The following TAPBPL variants were observed in gnomAD, a reference collection of about 807,000 sequenced individuals.
The protein encoded by TAPBPL is TAP binding protein like.
In TAPBPL, 32 loss-of-function variants were observed where a neutral mutation model predicts 44.8. That is an observed-to-expected ratio of 0.71 (90% CI 0.54 to 0.96). The LOEUF (loss-of-function observed/expected upper bound fraction) is 0.96, where lower values mean the gene tolerates loss of function less well. Ranked by LOEUF, TAPBPL falls within the 40% of genes least tolerant of loss-of-function variation. TAPBPL has a pLI of 0.00. For missense variants in TAPBPL, 520 were observed against 586.6 expected (o/e 0.89, Z 1.17); for synonymous variants, 230 against 240.7 (o/e 0.96, Z 0.41).
downstream of TAPBPL, chr12:6,470,508 C>G: frequency 6.2e-7 from 1 of 1,613,958 alleles, no homozygotes; most frequent in South Asian, 1.1e-5. Flanking sequence ...GGTGCCGAGC[C>G]CCCACACCAG....
Position 6,453,421 on chromosome 12 carries a change from T to C in TAPBPL, c.296-26T>C. On this transcript the variant is annotated intron_variant, in intron 2 of 6. Transcript: ENST00000266556. The surrounding 1 kb of genome is among the most constrained non-coding windows in gnomAD (Gnocchi z 4.8). ...CTGGTGTTCTCACGCTAATTTGCCC[T>C]CTGTGTGTGCCCTGCTTCTCCCCAG... The C allele has an allele frequency of 6.2e-7, 1 of 1,612,840 alleles. No homozygotes were observed. The highest frequency in any genetic ancestry group is 1.1e-5 in the South Asian group (1 of 90,956).
rs749442620 is a variant in TAPBPL, at chr12:6,458,902, T to A, written c.1162T>A (p.Ser388Thr). ...ATYTCQVTHISLEEPLGASTQ... is the reference protein window; with the variant it reads ...ATYTCQVTHITLEEPLGASTQ... ...TTACACCTGCCAGGTCACACACATC[T>A]CTCTGGAGGAGCCCCTTGGGGCCAG... Residue 388 changes from serine to threonine, a missense_variant, in exon 5 of 7, where the codon TCT becomes ACT. Coordinates refer to ENST00000266556, the MANE Select transcript of TAPBPL (RefSeq NM_018009.5). 3 of 1,614,126 alleles carry A rather than the reference T, an allele frequency of 1.9e-6. No individual in the cohort carries two copies. The South Asian group carries it at 3.3e-5, about 18-fold the overall frequency.
At chr12:6,452,653 CG>C (rs1949585518) in intron 1 of TAPBPL, 1 of 1,248,776 alleles carries the variant, frequency 8.0e-7, no homozygotes, top group Admixed American at 4.0e-5. Flanking sequence ...ACCTTGAAGG[CG>C]GGGGAGGGGA....
At chr12:6,469,037 G>A (rs1236742441), downstream of TAPBPL, among the ~76,000 whole-genome samples, 1 of 152,170 alleles carries the variant, frequency 6.6e-6, no homozygotes, top group Non-Finnish European at 1.5e-5. Context: ...TTGATTAAGT[G>A]AATTTCTTTT....
Position 6,457,487 on chromosome 12 carries a change from T to G in TAPBPL, c.647T>G (p.Met216Arg), listed in dbSNP as rs1241740832. ...SSASLDCGFS[M>R]APGLDLISVE... ...GCCTCCTTGGACTGTGGCTTCTCCA[T>G]GGCACCGGGCTTGGACCTCATCAGT... Residue 216 changes from methionine (M) to arginine (R), a missense_variant, in exon 4 of 7, where the codon ATG becomes AGG. By Grantham distance (91) the Met-to-Arg change is moderately conservative. Transcript: ENST00000266556. 1 of 1,614,098 alleles carries G rather than the reference T, an allele frequency of 6.2e-7. No individual in the cohort carries two copies. The highest frequency in any genetic ancestry group is 1.7e-5 in the Admixed American group (1 of 60,006).
downstream of TAPBPL, chr12:6,462,881 A>G: frequency 6.3e-7 from 1 of 1,597,914 alleles, no homozygotes; most frequent in Admixed American, 1.7e-5. Context: ...ACAAGGGCGA[A>G]AGGAAAGGAA....
chr12:6,453,853 A>G lies in TAPBPL; in HGVS notation c.565+137A>G, dbSNP rs1342599182. 1 of 1,182,736 alleles carries G rather than the reference A, an allele frequency of 8.5e-7. No homozygotes were observed. The allele number at this position is 1,182,736 out of a possible 1,614,324, so 73.3% of individuals were successfully genotyped here. A position where few individuals can be genotyped will look rare whatever the true frequency, so the allele number is the denominator to read the frequency against. ...GTCAACACGGTGAAACCCCGTCTCTACTAATACCAAAATTAGCCGGGCATG... is the reference window on the plus strand; with the variant it reads ...GTCAACACGGTGAAACCCCGTCTCTGCTAATACCAAAATTAGCCGGGCATG... On this transcript the variant is annotated intron_variant, in intron 3 of 6. Transcript: ENST00000266556. The surrounding 1 kb of genome is among the most constrained non-coding windows in gnomAD (Gnocchi z 4.8).
chr12:6,470,278 G>A (rs1041324707), downstream of TAPBPL, among the ~76,000 whole-genome samples: 6 of 151,670 alleles, frequency 4.0e-5, no homozygotes, highest in African/African-American at 1.5e-4. Flanking sequence ...CCACTCAGAC[G>A]AGAGGAGAGG....
In TAPBPL at chr12:6,453,619, C is replaced by G; in HGVS notation, c.468C>G (p.Ser156=). 1 of 1,614,110 alleles carries G rather than the reference C, an allele frequency of 6.2e-7. No individual in the cohort carries two copies. The highest frequency in any genetic ancestry group is 1.1e-5 in the South Asian group (1 of 91,080). ...MQVSGGGPSI[S]LVMKTPRVTK... ...TCTCTGGAGGGGGACCTAGCATCTC[C>G]TTGGTGATGAAGACTCCCAGGGTCA... Residue 156 remains serine (S), a synonymous_variant, in exon 3 of 7, where the codon TCC becomes TCG. Coordinates refer to ENST00000266556, the MANE Select transcript of TAPBPL (RefSeq NM_018009.5). The surrounding 1 kb of genome is among the most constrained non-coding windows in gnomAD (Gnocchi z 4.8).
intron 4 of TAPBPL, 96 bp from the exon 5 acceptor site, chr12:6,458,549 A>G (rs1949760826): frequency 6.9e-7 from 1 of 1,456,328 alleles, no homozygotes; most frequent in Admixed American, 1.9e-5. Context: ...TAGCCTCCAC[A>G]ATCTACTCTC....
chr12:6,465,355 AAAG>A (rs1220743780), downstream of TAPBPL: 7 of 240,330 alleles, frequency 2.9e-5, no homozygotes, highest in African/African-American at 2.2e-4. Flanking sequence ...GAAAAAGAAA[AAAG>A]TATATATATA....
At chr12:6,464,008 A>G, downstream of TAPBPL, 1 of 1,292,526 alleles carries the variant, frequency 7.7e-7, no homozygotes, top group African/African-American at 1.5e-5. Context: ...GGAAAGCTCC[A>G]CATGACCAGG....
chr12:6,452,225 G>A lies in TAPBPL; in HGVS notation c.-24G>A, dbSNP rs1949566434. On this transcript the variant is annotated 5_prime_UTR_variant, in exon 1 of 7. Coordinates refer to ENST00000266556, the MANE Select transcript of TAPBPL (RefSeq NM_018009.5). Reference sequence around the variant, plus strand: ...GACTGTGGAGAAGGGCGGTGGGCAAGGAGGGAACTCGAGAGCAGCCTCCAT... The same window carrying A: ...GACTGTGGAGAAGGGCGGTGGGCAAAGAGGGAACTCGAGAGCAGCCTCCAT... 6.4e-7 allele frequency: 1 copy of A among 1,564,678 alleles called. No homozygotes were observed. Among genetic ancestry groups the A allele is most frequent in the Non-Finnish European group, 8.7e-7 (1 of 1,154,534 alleles).
At chr12:6,471,401 C>A (rs1213111875), downstream of TAPBPL, among the ~76,000 whole-genome samples, 1 of 152,166 alleles carries the variant, frequency 6.6e-6, no homozygotes, top group Admixed American at 6.5e-5. This position sits in a 1 kb window ranked among gnomAD's most constrained non-coding sequence, Gnocchi z 4.0. Flanking sequence ...TACCTCTCCC[C>A]CAGTAATCTG....
chr12:6,463,032 C>A, downstream of TAPBPL: 2 of 1,545,510 alleles, frequency 1.3e-6, no homozygotes, highest in Non-Finnish European at 1.7e-6. This position sits in a 1 kb window ranked among gnomAD's most constrained non-coding sequence, Gnocchi z 4.0. Context: ...CTGTTCCCAG[C>A]CTGCCCTCCT....
chr12:6,457,287 A>G, intron 3 of TAPBPL, 119 bp from the exon 4 acceptor site: 1 of 939,818 alleles, frequency 1.1e-6, no homozygotes, highest in South Asian at 1.7e-5. Context: ...AAATAAGCTC[A>G]ACCGGCCTGT....
intron 1 of TAPBPL, chr12:6,452,635 G>A: frequency 7.7e-7 from 1 of 1,293,422 alleles, no homozygotes; most frequent in Non-Finnish European, 9.8e-7. Flanking sequence ...GAAATCACTT[G>A]GAAGGTGACC....
chr12:6,458,808 G>T lies in TAPBPL; in HGVS notation c.1068G>T (p.Arg356Ser). The T allele has an allele frequency of 6.2e-7, 1 of 1,614,114 alleles. No individual in the cohort carries two copies. Among genetic ancestry groups the T allele is most frequent in the Non-Finnish European group, 8.5e-7 (1 of 1,180,032 alleles). ...QVSGASFSSL[R>S]QSVAGTYSIS... The stretch of plus-strand genomic sequence containing the variant: ...CTGGTGCCTCCTTCTCCAGCCTCAG[G>T]CAAAGCGTGGCAGGCACCTACAGCA... The change falls in exon 5 of 7, where the codon AGG becomes AGT. Residue 356 changes from arginine (R) to serine (S), a missense_variant. Coordinates refer to ENST00000266556, the MANE Select transcript of TAPBPL (RefSeq NM_018009.5).
Position 6,453,048 on chromosome 12 carries a change from C to A in TAPBPL, c.65-19C>A. 6.4e-7 allele frequency: 1 copy of A among 1,557,736 alleles called. No homozygotes were observed. The highest frequency in any genetic ancestry group is 2.0e-5 in the Admixed American group (1 of 51,214). On this transcript the variant is annotated intron_variant, in intron 1 of 6. Coordinates refer to ENST00000266556, the MANE Select transcript of TAPBPL (RefSeq NM_018009.5). The surrounding 1 kb of genome is among the most constrained non-coding windows in gnomAD (Gnocchi z 4.8). ...AGCTTTCTGGGGAAGGCGGTGCTCA[C>A]CCCAGCCTTTGTCTGCAGAGCCCCA... is the stretch of plus-strand genomic sequence containing the variant.
Sources: allele counts gnomAD v4.1 joint callset (sites outside exome capture counted in the v4.1 genomes callset), GRCh38; gene constraint gnomAD v4.1.1; non-coding constraint Gnocchi (gnomAD v3.1); transcripts MANE v1.5; gene names NCBI Gene and HGNC (gene_info 2026-07-23, HGNC 2026-07-21).